The following GALNTL6 variants were observed in gnomAD, a reference collection of about 807,000 sequenced individuals.
GALNTL6 encodes the protein polypeptide N-acetylgalactosaminyltransferase like 6.
A neutral mutation model predicts 73.7 loss-of-function variants in GALNTL6; 46 were observed. That is an observed-to-expected ratio of 0.62 (90% confidence interval 0.49 to 0.80). GALNTL6 has a LOEUF of 0.80. Ranked by LOEUF, GALNTL6 falls within the 30% of genes least tolerant of loss-of-function variation. The pLI is 0.00. For missense variants in GALNTL6, 604 were observed against 755.0 expected (o/e 0.80, Z 2.34); for synonymous variants, 259 against 263.7 (o/e 0.98, Z 0.17).
chr4:172,746,658 T>A (rs529844320), intron 5 of GALNTL6, among the ~76,000 whole-genome samples: 5 of 152,140 alleles, frequency 3.3e-5, no homozygotes, highest in Non-Finnish European at 7.4e-5. Flanking sequence ...TCTTTTGTGA[T>A]TAAAAAATTC....
At chr4:171,847,803 C>T (rs757573419) in intron 2 of GALNTL6, among the ~76,000 whole-genome samples, 1 of 152,146 alleles carries the variant, frequency 6.6e-6, no homozygotes, top group Non-Finnish European at 1.5e-5. Flanking sequence ...AATTCTAGTT[C>T]TCTTACTATT....
chr4:172,500,991 A>T (rs963677519), intron 5 of GALNTL6, among the ~76,000 whole-genome samples: 1 of 152,214 alleles, frequency 6.6e-6, no homozygotes, highest in African/African-American at 2.4e-5. Flanking sequence ...ACTATACAAG[A>T]GATCCTTGTG....
chr4:172,553,571 A>G (rs1352508436), intron 5 of GALNTL6, among the ~76,000 whole-genome samples: 1 of 152,188 alleles, frequency 6.6e-6, no homozygotes. Context: ...TGTTAGTAAT[A>G]TCATGTTCAT....
intron 5 of GALNTL6, among the ~76,000 whole-genome samples, chr4:172,567,914 A>G (rs1736617294): frequency 6.6e-6 from 1 of 152,150 alleles, no homozygotes; most frequent in Non-Finnish European, 1.5e-5. Flanking sequence ...CAGAACCTGA[A>G]TTGAAATTGT....
chr4:172,685,714 T>A (rs1473614447), intron 5 of GALNTL6, among the ~76,000 whole-genome samples: 1 of 152,154 alleles, frequency 6.6e-6, no homozygotes, highest in Admixed American at 6.5e-5. Flanking sequence ...TCTTTTTGAG[T>A]CTTCAATTGA....
intron 2 of GALNTL6, among the ~76,000 whole-genome samples, chr4:172,213,636 TAA>T (rs773346270): frequency 3.9e-5 from 6 of 152,186 alleles, no homozygotes; most frequent in Non-Finnish European, 7.4e-5. Context: ...TATTAAACTT[TAA>T]GAGTTATTTG....
intron 8 of GALNTL6, among the ~76,000 whole-genome samples, chr4:172,926,860 T>G (rs945975888): frequency 1.3e-5 from 2 of 152,198 alleles, no homozygotes; most frequent in Non-Finnish European, 2.9e-5. Flanking sequence ...TAAAGTAATC[T>G]CTCAAATAAT....
At chr4:172,392,244 C>T (rs561999437) in intron 5 of GALNTL6, among the ~76,000 whole-genome samples, 2 of 152,238 alleles carry the variant, frequency 1.3e-5, no homozygotes, top group South Asian at 2.1e-4. Flanking sequence ...CCGCCTTGAC[C>T]TCCCAAAATG....
intron 3 of GALNTL6, among the ~76,000 whole-genome samples, chr4:172,299,688 T>G (rs1333695977): frequency 6.6e-6 from 1 of 152,218 alleles, no homozygotes; most frequent in Non-Finnish European, 1.5e-5. Flanking sequence ...TTGAGTGCGT[T>G]TCTTAATCCT....
chr4:172,515,043 A>C (rs1163291467), intron 5 of GALNTL6, among the ~76,000 whole-genome samples: 1 of 152,144 alleles, frequency 6.6e-6, no homozygotes, highest in African/African-American at 2.4e-5. Flanking sequence ...TATTTCTTGG[A>C]GCAAAAGTTC....
At chr4:172,148,024 T>C (rs1466125746) in intron 2 of GALNTL6, among the ~76,000 whole-genome samples, 1 of 152,188 alleles carries the variant, frequency 6.6e-6, no homozygotes. Flanking sequence ...TCATGATGAA[T>C]GTATGATCAA....
intron 5 of GALNTL6, among the ~76,000 whole-genome samples, chr4:172,411,437 A>C (rs962060526): frequency 6.6e-6 from 1 of 152,160 alleles, no homozygotes; most frequent in Non-Finnish European, 1.5e-5. Flanking sequence ...TCGCCTGCAG[A>C]ATAAACTCCA....
intron 8 of GALNTL6, among the ~76,000 whole-genome samples, chr4:172,916,447 A>G (rs553597670): frequency 6.6e-6 from 1 of 152,282 alleles, no homozygotes; most frequent in Admixed American, 6.5e-5. Context: ...GGAAAAGAGG[A>G]AGTCAAATTG....
At chr4:172,163,470 G>A (rs758866242) in intron 2 of GALNTL6, among the ~76,000 whole-genome samples, 8 of 152,032 alleles carry the variant, frequency 5.3e-5, no homozygotes, top group Non-Finnish European at 1.0e-4. Context: ...GTTAGATAAG[G>A]TTCTAAAGAA....
At position 171,838,845 on chromosome 4, in the gene GALNTL6, G is replaced by A. The variant is rs192226089; in HGVS notation, c.138+24127G>A. Among the ~76,000 whole-genome samples, 9 of 152,266 alleles carry A rather than the reference G, an allele frequency of 5.9e-5. No individual in the cohort carries two copies. The East Asian group carries it at 1.7e-3, about 29-fold the overall frequency. On this transcript the variant is annotated intron_variant, in intron 2 of 12. Transcript: ENST00000506823. ...GTGTTCAACAGTAAGGAATATGCTAGGTCAGGCGAGTAAAGGAAACACAAG... is the reference window on the plus strand; with the variant it reads ...GTGTTCAACAGTAAGGAATATGCTAAGTCAGGCGAGTAAAGGAAACACAAG...
At chr4:172,872,140 A>G (rs958599289) in intron 7 of GALNTL6, among the ~76,000 whole-genome samples, 3 of 152,186 alleles carry the variant, frequency 2.0e-5, no homozygotes, top group Admixed American at 6.5e-5. Flanking sequence ...TTGGGGATTC[A>G]TTTCTGCTAT....
intron 5 of GALNTL6, among the ~76,000 whole-genome samples, chr4:172,562,692 C>A (rs766625879): frequency 2.6e-5 from 4 of 152,242 alleles, no homozygotes; most frequent in Non-Finnish European, 4.4e-5. Context: ...GCAAACAATG[C>A]TCAGTGATTT....
At chr4:172,026,617 A>G (rs989370891) in intron 2 of GALNTL6, among the ~76,000 whole-genome samples, 4 of 152,152 alleles carry the variant, frequency 2.6e-5, no homozygotes, top group Admixed American at 6.6e-5. Context: ...AACTATTTAC[A>G]TTACATAAGT....
intron 5 of GALNTL6, among the ~76,000 whole-genome samples, chr4:172,528,190 C>T (rs1219641621): frequency 6.6e-6 from 1 of 150,776 alleles, no homozygotes; most frequent in Admixed American, 6.6e-5. Flanking sequence ...ACTTCTAGAC[C>T]AACACTAAGA....
Sources: allele counts gnomAD v4.1 joint callset (sites outside exome capture counted in the v4.1 genomes callset), GRCh38; gene constraint gnomAD v4.1.1; transcripts MANE v1.5; gene names NCBI Gene and HGNC (gene_info 2026-07-23, HGNC 2026-07-21).